Variants in MCTP2 observed in about 807,000 individuals in gnomAD.
The protein encoded by MCTP2 is multiple C2 and transmembrane domain-containing protein 2.
MCTP2 carries 132 observed loss-of-function variants against 111.6 expected under a neutral mutation model. That is an observed-to-expected ratio of 1.18 (90% CI 1.03 to 1.37). The LOEUF (loss-of-function observed/expected upper bound fraction) is 1.37, where lower values mean the gene tolerates loss of function less well. Ranked by LOEUF, MCTP2 falls within the 40% of genes most tolerant of loss-of-function variation. The pLI is 0.00. For missense variants in MCTP2, 1,183 were observed against 1,067.9 expected, an observed-to-expected ratio of 1.11 and a Z score of -1.50; for synonymous variants, 395 against 387.7, an observed-to-expected ratio of 1.02 and a Z score of -0.22.
rs1440983140 is a variant in MCTP2 at position 94,452,899 on chromosome 15, A to T, written c.2251-5238A>T. Among the ~76,000 whole-genome samples, 3 of 152,242 alleles carry T rather than the reference A, an allele frequency of 2.0e-5. No individual in the cohort carries two copies. The East Asian group carries it at 5.8e-4, about 29-fold the overall frequency. On this transcript the variant is annotated intron_variant, in intron 19 of 22. Transcript: ENST00000357742. The stretch of plus-strand genomic sequence containing the variant: ...CTCAGATGGAAATTTTCCCTGTCTC[A>T]CATGAGTAGCAAATGCATTTTAAGG...
chr15:94,391,258 T>C (rs2080957661), intron 14 of MCTP2, among the ~76,000 whole-genome samples: 1 of 152,182 alleles, frequency 6.6e-6, no homozygotes, highest in Non-Finnish European at 1.5e-5. Flanking sequence ...ATGCCATGTG[T>C]ATCTCCATTT....
At chr15:94,318,271 AATTTTTTTTTTTTTTTTT>A (rs1399713268) in intron 4 of MCTP2, among the ~76,000 whole-genome samples, 1 of 97,552 alleles carries the variant, frequency 1.0e-5, no homozygotes, top group African/African-American at 4.0e-5. Context: ...TCAAAAAAAA[AATTTTTTTTTTTTTTTTT>A]TTTTTTTTTT....
intron 10 of MCTP2, among the ~76,000 whole-genome samples, chr15:94,359,437 CTTAAAT>C (rs1229765372): frequency 6.6e-6 from 1 of 152,156 alleles, no homozygotes; most frequent in African/African-American, 2.4e-5. Context: ...GTACACAGAT[CTTAAAT>C]TTAAACACAG....
intron 19 of MCTP2, among the ~76,000 whole-genome samples, chr15:94,456,654 A>T (rs2084855544): frequency 6.6e-6 from 1 of 152,246 alleles, no homozygotes. Flanking sequence ...TAGGATAAAA[A>T]AGTAAAAGTA....
At chr15:94,332,159 G>A (rs74028556) in intron 4 of MCTP2, among the ~76,000 whole-genome samples, 1,783 of 152,250 alleles carry the variant, frequency 0.012, 34 homozygotes, top group African/African-American at 0.039. Flanking sequence ...TTTCCATAAT[G>A]TCCATTAGGG....
At chr15:94,442,545 A>G (rs2083841137) in intron 18 of MCTP2, among the ~76,000 whole-genome samples, 1 of 152,236 alleles carries the variant, frequency 6.6e-6, no homozygotes, top group Admixed American at 6.5e-5. Context: ...AGTCATTATA[A>G]CAATGAGCCC....
At chr15:94,288,435 C>T (rs560664132) in intron 1 of MCTP2, among the ~76,000 whole-genome samples, 3 of 152,290 alleles carry the variant, frequency 2.0e-5, no homozygotes, top group Admixed American at 6.5e-5. Flanking sequence ...ACTGACCTTA[C>T]GTCCTATACA....
chr15:94,418,049 C>G (rs947928129), intron 17 of MCTP2, among the ~76,000 whole-genome samples: 3 of 152,026 alleles, frequency 2.0e-5, no homozygotes, highest in Admixed American at 1.3e-4. Flanking sequence ...GCTTTATTAC[C>G]CAGAGCATTT....
At chr15:94,268,778 C>T (rs1178561020) in intron 1 of MCTP2, among the ~76,000 whole-genome samples, 1 of 138,036 alleles carries the variant, frequency 7.2e-6, no homozygotes, top group Non-Finnish European at 1.6e-5. Context: ...TCTACATTGA[C>T]TTTTTTTTTT....
At chr15:94,249,110 A>G (rs8025125) in intron 1 of MCTP2, among the ~76,000 whole-genome samples, 77,257 of 152,040 alleles carry the variant, frequency 0.51, 19,837 homozygotes, top group Middle Eastern at 0.61. Context: ...ATATTTTATT[A>G]CACATAAGTA....
At position 94,356,222 on chromosome 15, in the gene MCTP2, A is replaced by C. The variant is rs762100139; in HGVS notation, c.1091A>C (p.Glu364Ala). 1 of 1,613,636 alleles carries C rather than the reference A, an allele frequency of 6.2e-7. No homozygotes were observed. The highest frequency in any genetic ancestry group is 1.1e-5 in the South Asian group (1 of 90,996). ...GGGATTATAAGTATAACTTTGTTGG[A>C]AGGGAAGAATGTCTCAGGAGGAAGC... ...WNGIISITLL[E>A]GKNVSGGSMT... The change falls in exon 9 of 23, where the codon GAA (glutamate) becomes GCA (alanine). Residue 364 changes from glutamate to alanine, a missense_variant. Transcript: ENST00000357742.
chr15:94,259,752 G>A (rs985084483), intron 1 of MCTP2, among the ~76,000 whole-genome samples: 9 of 152,278 alleles, frequency 5.9e-5, no homozygotes, highest in East Asian at 5.8e-4. Flanking sequence ...TCAGGTTATT[G>A]CTGTATGATC....
chr15:94,295,925 A>AG (rs895579799), intron 1 of MCTP2, among the ~76,000 whole-genome samples: 1 of 151,914 alleles, frequency 6.6e-6, no homozygotes, highest in African/African-American at 2.4e-5. Flanking sequence ...CAAAAAAAAA[A>AG]AAAATTCTGT....
chr15:94,333,784 AC>A (rs2077233520), intron 4 of MCTP2, among the ~76,000 whole-genome samples: 1 of 152,094 alleles, frequency 6.6e-6, no homozygotes, highest in Admixed American at 6.6e-5. Context: ...AATGAATACA[AC>A]AGTAGGTAAG....
At chr15:94,324,367 T>C (rs2076761048) in intron 4 of MCTP2, among the ~76,000 whole-genome samples, 3 of 152,242 alleles carry the variant, frequency 2.0e-5, no homozygotes, top group Admixed American at 2.0e-4. Flanking sequence ...TGTAGTAGTT[T>C]ACCACTGTGG....
chr15:94,467,055 A>G (rs972011812), intron 20 of MCTP2, among the ~76,000 whole-genome samples: 4 of 152,184 alleles, frequency 2.6e-5, no homozygotes, highest in East Asian at 1.9e-4. Context: ...TATATGCCAT[A>G]TATCTTTATA....
At chr15:94,297,545 A>G (rs1458948890) in intron 1 of MCTP2, among the ~76,000 whole-genome samples, 1 of 152,156 alleles carries the variant, frequency 6.6e-6, no homozygotes, top group African/African-American at 2.4e-5. Context: ...CGATAGGGCC[A>G]TGTTTTTGTT....
rs542172750 is a variant in MCTP2 at position 94,445,892 on chromosome 15, C to A, written c.2250+2932C>A. 4.3e-4 allele frequency among the ~76,000 whole-genome samples: 65 copies of A among 152,318 alleles called. 1 individual carries two copies. The highest frequency in any genetic ancestry group is 1.6e-3 in the African/African-American group (65 of 41,574). On this transcript the variant is annotated intron_variant, in intron 19 of 22. Coordinates refer to ENST00000357742, the MANE Select transcript of MCTP2 (RefSeq NM_001385001.1). ...GTGACACTCTTTAATTGCCAGTGCT[C>A]CTTCCCACCACATACCATCACGGAC...
At position 94,283,950 on chromosome 15, in the gene MCTP2, C is replaced by A. The variant is rs1319697394; in HGVS notation, c.-65-14251C>A. ...TTTTTTAAAAAGCTACTTATTAGATCCCCTTTCGTCATTTCAGATTGGCAA... is the reference window on the plus strand; with the variant it reads ...TTTTTTAAAAAGCTACTTATTAGATACCCTTTCGTCATTTCAGATTGGCAA... On this transcript the variant is annotated intron_variant, in intron 1 of 22. Transcript: ENST00000357742. Among the ~76,000 whole-genome samples the A allele has an allele frequency of 4.6e-5, 7 of 152,258 alleles. No homozygotes were observed. In the Middle Eastern group the frequency reaches 0.014, roughly 296 times the overall value.
Sources: gnomAD v4.1 joint callset for allele counts (sites outside exome capture counted in the v4.1 genomes callset) on GRCh38, gnomAD v4.1.1 for gene constraint, MANE v1.5 for transcripts, NCBI Gene and HGNC (gene_info 2026-07-23, HGNC 2026-07-21) for gene names.